The following MACROD2 variants were observed in gnomAD, a reference collection of about 807,000 sequenced individuals.
MACROD2 encodes ADP-ribose glycohydrolase MACROD2.
Under a neutral mutation model 70.4 loss-of-function variants are expected in MACROD2, and 36 were observed. The ratio of observed to expected loss-of-function variants is 0.51; its 90% CI spans 0.39 to 0.68. The LOEUF is 0.68. Ranked by LOEUF, MACROD2 falls within the 30% of genes least tolerant of loss-of-function variation. MACROD2 has a pLI of 0.00. For missense variants in MACROD2, 496 were observed against 538.4 expected, an observed-to-expected ratio of 0.92 and a Z score of 0.78; for synonymous variants, 172 against 178.8, an observed-to-expected ratio of 0.96 and a Z score of 0.30.
intron 5 of MACROD2, among the ~76,000 whole-genome samples, chr20:14,829,698 A>T (rs2072942623): frequency 6.6e-6 from 1 of 152,130 alleles, no homozygotes; most frequent in Admixed American, 6.6e-5. Flanking sequence ...TGCCAAAATG[A>T]CTAGTAAGGA....
At chr20:14,180,640 A>G (rs1246699097) in intron 3 of MACROD2, among the ~76,000 whole-genome samples, 4 of 152,072 alleles carry the variant, frequency 2.6e-5, no homozygotes, top group Admixed American at 2.6e-4. Flanking sequence ...GAGAAAAGTA[A>G]AAGTTGAAGT....
chr20:15,792,250 A>C (rs1034901213), intron 8 of MACROD2, among the ~76,000 whole-genome samples: 1 of 152,148 alleles, frequency 6.6e-6, no homozygotes, highest in Non-Finnish European at 1.5e-5. Context: ...AGTAAAAATT[A>C]AACTATGACA....
intron 2 of MACROD2, among the ~76,000 whole-genome samples, chr20:14,063,956 G>A (rs2053722839): frequency 6.6e-6 from 1 of 152,018 alleles, no homozygotes; most frequent in Non-Finnish European, 1.5e-5. Flanking sequence ...CAAACTCCTG[G>A]GCTCAAGTGA....
chr20:14,842,365 T>C (rs1029297148), intron 5 of MACROD2, among the ~76,000 whole-genome samples: 3 of 152,034 alleles, frequency 2.0e-5, no homozygotes, highest in Non-Finnish European at 4.4e-5. Context: ...ACCATAGCAG[T>C]ACCTTTTTTC....
intron 5 of MACROD2, among the ~76,000 whole-genome samples, chr20:14,699,649 C>CT (rs1358965317): frequency 1.3e-5 from 2 of 152,120 alleles, no homozygotes; most frequent in African/African-American, 4.8e-5. Context: ...AACTTGCACT[C>CT]TATTTGTGAA....
At position 14,726,349 on chromosome 20, in the gene MACROD2, A is replaced by C. The variant is rs572084200; in HGVS notation, c.418+41390A>C. On this transcript the variant is annotated intron_variant, in intron 5 of 17. Coordinates refer to ENST00000684519, the MANE Select transcript of MACROD2 (RefSeq NM_001351661.2). ...CCAATGCCTTTCTCCCAAAGGGATC[A>C]AAGGTTACGCTTGATGCTTTTCAGG... Among the ~76,000 whole-genome samples the C allele has an allele frequency of 9.8e-5, 15 of 152,316 alleles. No individual in the cohort carries two copies. The South Asian group carries it at 2.9e-3, about 29-fold the overall frequency.
chr20:15,051,861 C>T lies in MACROD2; in HGVS notation c.419-178079C>T, dbSNP rs146315409. Among the ~76,000 whole-genome samples the T allele has an allele frequency of 4.1e-3, 619 of 151,828 alleles. 5 individuals are homozygous for T. Among genetic ancestry groups the T allele is most frequent in the African/African-American group, 0.014 (599 of 41,324 alleles). ...CCACCTCCCAGGTTCAAGCCATTCT[C>T]CTGCCTCAGCCTGTCGAGTAGCTGG... On this transcript the variant is annotated intron_variant, in intron 5 of 17. Coordinates refer to ENST00000684519, the MANE Select transcript of MACROD2 (RefSeq NM_001351661.2).
chr20:15,712,325 G>T (rs759874534), intron 8 of MACROD2, among the ~76,000 whole-genome samples: 37 of 152,226 alleles, frequency 2.4e-4, no homozygotes, highest in Non-Finnish European at 5.3e-4. Context: ...TGGTGAACTG[G>T]AGTTGGCCCA....
intron 5 of MACROD2, among the ~76,000 whole-genome samples, chr20:15,079,574 A>G (rs980229414): frequency 2.6e-5 from 4 of 151,880 alleles, no homozygotes; most frequent in Non-Finnish European, 5.9e-5. Flanking sequence ...ATATTCCACC[A>G]TTCATCCTCC....
At chr20:14,038,176 C>A (rs1372774078) in intron 2 of MACROD2, among the ~76,000 whole-genome samples, 3 of 151,926 alleles carry the variant, frequency 2.0e-5, no homozygotes, top group African/African-American at 7.3e-5. Flanking sequence ...TGCTAGTAGT[C>A]CCAGCTACTC....
At chr20:14,745,794 C>T (rs779264277) in intron 5 of MACROD2, among the ~76,000 whole-genome samples, 1 of 152,120 alleles carries the variant, frequency 6.6e-6, no homozygotes, top group Non-Finnish European at 1.5e-5. Context: ...GGTGTTACCT[C>T]ATTGGGACCC....
rs983276995 is a variant in MACROD2, at chr20:14,670,826, T to C, written c.302-14017T>C. On this transcript the variant is annotated intron_variant, in intron 4 of 17. Transcript: ENST00000684519. ...CCCAACTGTTCTTTCTACCACACCA[T>C]AGTGTAGTCAGCACGCCCATGTTGA... Among the ~76,000 whole-genome samples the C allele has an allele frequency of 1.1e-4, 16 of 152,246 alleles. No individual in the cohort carries two copies. The South Asian group carries it at 1.7e-3, about 16-fold the overall frequency.
At chr20:15,136,913 A>C (rs6079675) in intron 5 of MACROD2, among the ~76,000 whole-genome samples, 84,990 of 129,820 alleles carry the variant, frequency 0.65, 28,401 homozygotes, top group East Asian at 0.71. Flanking sequence ...TGAACAGACA[A>C]TTCTCAAAAG....
At chr20:15,447,648 C>A (rs912845611) in intron 7 of MACROD2, among the ~76,000 whole-genome samples, 1 of 152,176 alleles carries the variant, frequency 6.6e-6, no homozygotes, top group African/African-American at 2.4e-5. Context: ...AATCGAGTTG[C>A]CATGCTGGAC....
chr20:14,278,385 T>TATCC (rs1226277803), intron 3 of MACROD2, among the ~76,000 whole-genome samples: 2 of 152,208 alleles, frequency 1.3e-5, no homozygotes, highest in Non-Finnish European at 2.9e-5. Context: ...AGAGGCAGGT[T>TATCC]ATCCACTAGT....
At chr20:15,809,874 T>TTTTA (rs1448944139) in intron 8 of MACROD2, among the ~76,000 whole-genome samples, 2 of 151,548 alleles carry the variant, frequency 1.3e-5, no homozygotes, top group African/African-American at 4.9e-5. Context: ...TTTTTTTTTT[T>TTTTA]TTATTATACT....
intron 8 of MACROD2, among the ~76,000 whole-genome samples, chr20:15,658,280 A>G (rs1379324987): frequency 6.9e-6 from 1 of 145,206 alleles, no homozygotes; most frequent in Admixed American, 7.0e-5. Context: ...TGACTTATGG[A>G]GTGCTGCGGG....
intron 5 of MACROD2, among the ~76,000 whole-genome samples, chr20:15,035,183 C>T (rs940952508): frequency 6.6e-6 from 1 of 152,102 alleles, no homozygotes; most frequent in Non-Finnish European, 1.5e-5. Flanking sequence ...TGCTTAAGCC[C>T]AGGAGTTCCA....
intron 8 of MACROD2, among the ~76,000 whole-genome samples, chr20:15,563,110 C>T (rs1050632709): frequency 5.9e-5 from 9 of 152,250 alleles, no homozygotes; most frequent in Middle Eastern, 3.4e-3. Context: ...AATGCTTATT[C>T]GCTGATGAGG....
Sources: gnomAD v4.1 joint callset for allele counts (sites outside exome capture counted in the v4.1 genomes callset) on GRCh38, gnomAD v4.1.1 for gene constraint, MANE v1.5 for transcripts, NCBI Gene and HGNC (gene_info 2026-07-23, HGNC 2026-07-21) for gene names.